The following FANCM variants were observed in gnomAD, a reference collection of about 807,000 sequenced individuals.
FANCM encodes the protein FA complementation group M.
In FANCM, 140 loss-of-function variants were observed where a neutral mutation model predicts 199.5. That is an observed-to-expected ratio of 0.70 (90% CI 0.61 to 0.81). The LOEUF is 0.81. Ranked by LOEUF, FANCM falls within the 30% of genes least tolerant of loss-of-function variation. The pLI is 0.00. For synonymous variants in FANCM, 840 were observed against 836.8 expected (o/e 1.00, Z -0.07); for missense variants, 2,410 against 2,421.4 (o/e 1.00, Z 0.10).
rs550392661 is a variant in FANCM at position 45,185,371 on chromosome 14, A to G, written c.4670A>G (p.Asn1557Ser). 6.4e-7 allele frequency: 1 copy of G among 1,561,568 alleles called. No individual in the cohort carries two copies. Among genetic ancestry groups the G allele is most frequent in the Admixed American group, 1.7e-5 (1 of 57,278 alleles). ...NDETQLSQAI[N>S]DSEMRAIYMK... Reference sequence around the variant, plus strand: ...GAAACTCAACTTTCACAGGCTATAAATGGTAAATGTTATAATGATCCTTAA... The same window carrying G: ...GAAACTCAACTTTCACAGGCTATAAGTGGTAAATGTTATAATGATCCTTAA... Residue 1557 changes from asparagine to serine, a missense_variant and splice_region_variant, in exon 18 of 23, where the codon AAT becomes AGT. Physicochemically the swap from Asn to Ser is conservative, Grantham distance 46. Coordinates refer to ENST00000267430, the MANE Select transcript of FANCM (RefSeq NM_020937.4).
At chr14:45,191,829 A>T (rs1470401232) in intron 20 of FANCM, among the ~76,000 whole-genome samples, 4 of 152,144 alleles carry the variant, frequency 2.6e-5, no homozygotes, top group Non-Finnish European at 5.9e-5. Context: ...TATTACAAAC[A>T]GTATTCCTTG....
intron 11 of FANCM, 66 bp downstream of exon 11, chr14:45,167,229 A>T (rs1888049669): frequency 4.4e-6 from 4 of 904,966 alleles, no homozygotes. Flanking sequence ...TCGTATCTTG[A>T]TATAATATTT....
Position 45,137,221 on chromosome 14 carries a change from G to A in FANCM, c.661G>A (p.Gly221Arg), listed in dbSNP as rs2139107182. Residue 221 changes from glycine (G) to arginine (R), a missense_variant, in exon 2 of 23, where the codon GGA becomes AGA. By Grantham distance (125) the Gly-to-Arg change is moderately radical (BLOSUM62 -2). Transcript: ENST00000267430. ...TATTGATGAAGCTCATAAAGCTCTC[G>A]GAAACTATGCTTATTGCCAGGTAAT... is the stretch of plus-strand genomic sequence containing the variant. ...LVIDEAHKAL[G>R]NYAYCQVVRE... The A allele has an allele frequency of 6.2e-7, 1 of 1,612,758 alleles. No homozygotes were observed. Among genetic ancestry groups the A allele is most frequent in the Non-Finnish European group, 8.5e-7 (1 of 1,179,910 alleles).
chr14:45,199,030 A>G lies in FANCM; in HGVS notation c.6008+95A>G. 5 of 919,368 alleles carry G rather than the reference A, an allele frequency of 5.4e-6. No homozygotes were observed. In the East Asian group the frequency reaches 1.3e-4, roughly 24 times the overall value. The allele number at this position is 919,368 out of a possible 1,614,324, so 57.0% of individuals were successfully genotyped here. A position where few individuals can be genotyped will look rare whatever the true frequency, so the allele number is the denominator to read the frequency against. ...ATGTTAAAAAAATTTAAGCGGCATC[A>G]TGCCTGTTAGATTATTTTATTCAGT... is the stretch of plus-strand genomic sequence containing the variant. On this transcript the variant is annotated intron_variant, in intron 22 of 22. Transcript: ENST00000267430.
chr14:45,184,803 G>A (rs1388587824), intron 17 of FANCM, among the ~76,000 whole-genome samples: 11 of 142,088 alleles, frequency 7.7e-5, no homozygotes, highest in South Asian at 4.3e-4. Context: ...ACAGAGTTTC[G>A]CTGTTACTGC....
rs1291531916 is a variant in FANCM, at chr14:45,176,840, T to G, written c.4086T>G (p.Asp1362Glu). 1.2e-6 allele frequency: 2 copies of G among 1,607,198 alleles called. No individual in the cohort carries two copies. The highest frequency in any genetic ancestry group is 2.7e-5 in the African/African-American group (2 of 74,560). ...GAAAGGAAATACTTAAGACACCAGA[T>G]TCTAGTAAGGAAAAAGTAAACCTAC... is the stretch of plus-strand genomic sequence containing the variant. ...KIRKEILKTP[D>E]SSKEKVNLQR... The change falls in exon 14 of 23, where the codon GAT becomes GAG. Residue 1362 changes from aspartate to glutamate, a missense_variant. Coordinates refer to ENST00000267430, the MANE Select transcript of FANCM (RefSeq NM_020937.4).
intron 19 of FANCM, among the ~76,000 whole-genome samples, chr14:45,188,263 C>T (rs1236026161): frequency 4.6e-5 from 7 of 152,050 alleles, no homozygotes; most frequent in African/African-American, 9.7e-5. Context: ...TGCTTGAACC[C>T]GGGAGGCAGA....
Position 45,187,824 on chromosome 14 carries a change from A to G in FANCM, c.4716A>G (p.Pro1572=), listed in dbSNP as rs953261541. The part of the protein sequence containing the change: ...RAIYMKSLRS[P]MMNNKYKMIH... The stretch of plus-strand genomic sequence containing the variant: ...TTTACATGAAATCTTTGCGTAGTCC[A>G]ATGATGAACAATAAGTACAAAATGA... The change falls in exon 19 of 23, where the codon CCA becomes CCG. Residue 1572 remains proline, a synonymous_variant. Coordinates refer to ENST00000267430, the MANE Select transcript of FANCM (RefSeq NM_020937.4). The G allele has an allele frequency of 1.1e-5, 18 of 1,583,740 alleles. No homozygotes were observed. The Admixed American group carries it at 3.0e-4, about 26-fold the overall frequency.
chr14:45,165,757 C>T (rs1295610286), intron 10 of FANCM, among the ~76,000 whole-genome samples: 2 of 152,046 alleles, frequency 1.3e-5, no homozygotes, highest in African/African-American at 2.4e-5. Context: ...TATTCCCTAG[C>T]CAAGTTACTT....
Position 45,176,422 on chromosome 14 carries a change from G to A in FANCM, c.3668G>A (p.Cys1223Tyr), listed in dbSNP as rs1353426184. 1.2e-6 allele frequency: 2 copies of A among 1,612,938 alleles called. No homozygotes were observed. Among genetic ancestry groups the A allele is most frequent in the Non-Finnish European group, 1.7e-6 (2 of 1,179,866 alleles). ...AAGAATCATGAGGATATTTTTGATT[G>A]CTCTAGGGATTTATTTTCTGTTACC... ...KVKNHEDIFD[C>Y]SRDLFSVTFD... The change falls in exon 14 of 23, where the codon TGC becomes TAC. Residue 1223 changes from cysteine (C) to tyrosine (Y), a missense_variant. By Grantham distance (194) the Cys-to-Tyr change is radical (BLOSUM62 -2). Coordinates refer to ENST00000267430, the MANE Select transcript of FANCM (RefSeq NM_020937.4).
Position 45,189,128 on chromosome 14 carries a change from C to A in FANCM, c.5106C>A (p.Asp1702Glu), listed in dbSNP as rs1365131022. 1.2e-6 allele frequency: 2 copies of A among 1,613,970 alleles called. No homozygotes were observed. Among genetic ancestry groups the A allele is most frequent in the African/African-American group, 1.3e-5 (1 of 74,914 alleles). ...CTGTTAAGAAGAACAAACAACAGGACCATTGTTTAAATTCAGTGCCTTCTG... is the reference window on the plus strand; with the variant it reads ...CTGTTAAGAAGAACAAACAACAGGAACATTGTTTAAATTCAGTGCCTTCTG... ...PSTVKKNKQQ[D>E]HCLNSVPSGS... The change falls in exon 20 of 23, where the codon GAC (aspartate) becomes GAA (glutamate). Residue 1702 changes from aspartate to glutamate, a missense_variant. Asp to Glu is a conservative substitution (Grantham distance 45, BLOSUM62 2). Transcript: ENST00000267430.
In FANCM at chr14:45,185,341, A is replaced by G; in HGVS notation, c.4640A>G (p.Asn1547Ser). The change falls in exon 18 of 23, where the codon AAT (asparagine) becomes AGT (serine). Residue 1547 changes from asparagine (N) to serine (S), a missense_variant. Asn to Ser is a conservative substitution (Grantham distance 46). Coordinates refer to ENST00000267430, the MANE Select transcript of FANCM (RefSeq NM_020937.4). Reference sequence around the variant, plus strand: ...GATTCCTCATTACTTGACTTTTTAAATGATGAAACTCAACTTTCACAGGCT... The same window carrying G: ...GATTCCTCATTACTTGACTTTTTAAGTGATGAAACTCAACTTTCACAGGCT... Reference protein sequence around the residue: ...EQDSSLLDFLNDETQLSQAIN... With the variant: ...EQDSSLLDFLSDETQLSQAIN... 6.3e-7 allele frequency: 1 copy of G among 1,594,352 alleles called. No homozygotes were observed. Among genetic ancestry groups the G allele is most frequent in the Non-Finnish European group, 8.6e-7 (1 of 1,166,850 alleles).
At chr14:45,138,245 A>G (rs1885664157) in intron 2 of FANCM, among the ~76,000 whole-genome samples, 1 of 152,144 alleles carries the variant, frequency 6.6e-6, no homozygotes, top group South Asian at 2.1e-4. Context: ...TGATGATAGG[A>G]GGAGATTATA....
At position 45,176,554 on chromosome 14, in the gene FANCM, A is replaced by C. The variant is rs560080129; in HGVS notation, c.3800A>C (p.Lys1267Thr). The C allele has an allele frequency of 6.2e-7, 1 of 1,601,340 alleles. No individual in the cohort carries two copies. The highest frequency in any genetic ancestry group is 1.1e-5 in the South Asian group (1 of 89,140). ...DDLYGRYLEI[K>T]EISDANYVSN... is the part of the protein sequence containing the mutation. ...CTATATGGAAGGTATTTGGAAATTAAGGAGATAAGTGATGCAAATTATGTT... is the reference window on the plus strand; with the variant it reads ...CTATATGGAAGGTATTTGGAAATTACGGAGATAAGTGATGCAAATTATGTT... The change falls in exon 14 of 23, where the codon AAG becomes ACG. Residue 1267 changes from lysine (K) to threonine (T), a missense_variant. Coordinates refer to ENST00000267430, the MANE Select transcript of FANCM (RefSeq NM_020937.4).
chr14:45,179,091 C>T (rs1888896836), intron 14 of FANCM, among the ~76,000 whole-genome samples: 1 of 151,972 alleles, frequency 6.6e-6, no homozygotes, highest in Admixed American at 6.6e-5. Flanking sequence ...CCCAGCTACT[C>T]AGGAGGCTGA....
At chr14:45,137,623 A>C in intron 2 of FANCM, 1 of 270,606 alleles carries the variant, frequency 3.7e-6, no homozygotes, top group Non-Finnish European at 7.2e-6. Flanking sequence ...CGGCTAGGTA[A>C]AATAATGACA....
At position 45,173,806 on chromosome 14, in the gene FANCM, G is replaced by A. The variant is rs57924078; in HGVS notation, c.2316+596G>A. 6.5e-3 allele frequency among the ~76,000 whole-genome samples: 988 copies of A among 152,286 alleles called. 12 individuals carry two copies. Among genetic ancestry groups the A allele is most frequent in the African/African-American group, 0.022 (921 of 41,552 alleles). On this transcript the variant is annotated intron_variant, in intron 13 of 22. Coordinates refer to ENST00000267430, the MANE Select transcript of FANCM (RefSeq NM_020937.4). The stretch of plus-strand genomic sequence containing the variant: ...AAATGACCTAATATATGTAAAGCAC[G>A]TAGTAGCTGGCATATGATAAGTACA...
chr14:45,176,521 T>G lies in FANCM; in HGVS notation c.3767T>G (p.Leu1256Arg). The change falls in exon 14 of 23, where the codon CTA becomes CGA. Residue 1256 changes from leucine (L) to arginine (R), a missense_variant. Physicochemically the swap from Leu to Arg is moderately radical, Grantham distance 102. Transcript: ENST00000267430. Reference sequence around the variant, plus strand: ...CATACATCAGATAGCAATAGACCTCTAGATGATCTATATGGAAGGTATTTG... The same window carrying G: ...CATACATCAGATAGCAATAGACCTCGAGATGATCTATATGGAAGGTATTTG... ...LEHTSDSNRP[L>R]DDLYGRYLEI... is the part of the protein sequence containing the mutation. The G allele has an allele frequency of 1.2e-6, 2 of 1,602,192 alleles. No individual in the cohort carries two copies. Among genetic ancestry groups the G allele is most frequent in the Non-Finnish European group, 1.7e-6 (2 of 1,173,942 alleles).
chr14:45,146,576 G>A (rs1886399874), intron 3 of FANCM, among the ~76,000 whole-genome samples: 1 of 151,864 alleles, frequency 6.6e-6, no homozygotes, highest in Non-Finnish European at 1.5e-5. Flanking sequence ...GCTTAAAAAT[G>A]TCATCCCCCT....
Sources: allele counts gnomAD v4.1 joint callset (sites outside exome capture counted in the v4.1 genomes callset), GRCh38; gene constraint gnomAD v4.1.1; transcripts MANE v1.5; gene names NCBI Gene and HGNC (gene_info 2026-07-23, HGNC 2026-07-21).